Variants in TMEM116 observed in about 807,000 individuals in gnomAD.
TMEM116 encodes transmembrane protein 116.
A neutral mutation model predicts 44.3 loss-of-function variants in TMEM116; 38 were observed. That is an observed-to-expected ratio of 0.86 (90% CI 0.66 to 1.12). TMEM116 has a LOEUF of 1.12. Among genes scored for constraint, TMEM116 ranks in the 50% most tolerant of loss-of-function variants. The probability of loss-of-function intolerance (pLI) is 0.00; values close to 1 mark genes in which losing one functional copy is unlikely to be tolerated. For missense variants in TMEM116, 354 were observed against 401.7 expected (o/e 0.88, Z 1.01); for synonymous variants, 132 against 144.8 (o/e 0.91, Z 0.64).
At chr12:111,965,114 G>A (rs888918480) in intron 4 of TMEM116, among the ~76,000 whole-genome samples, 7 of 152,138 alleles carry the variant, frequency 4.6e-5, no homozygotes, top group Non-Finnish European at 7.3e-5. Flanking sequence ...TTTCTTTACT[G>A]TGACTCTCCA....
chr12:111,970,109 T>C (rs2075242311), intron 4 of TMEM116, among the ~76,000 whole-genome samples: 1 of 151,144 alleles, frequency 6.6e-6, no homozygotes, highest in Non-Finnish European at 1.5e-5. Context: ...TCTATAAAAA[T>C]AGAAAAATTA....
At chr12:111,983,225 C>G (rs184594097) in intron 4 of TMEM116, among the ~76,000 whole-genome samples, 1 of 152,220 alleles carries the variant, frequency 6.6e-6, no homozygotes, top group East Asian at 1.9e-4. Context: ...CACCTGGGGT[C>G]AGGAGTCTGA....
intron 4 of TMEM116, among the ~76,000 whole-genome samples, chr12:111,981,594 G>A (rs942078780): frequency 3.3e-5 from 5 of 152,128 alleles, no homozygotes; most frequent in African/African-American, 1.2e-4. Flanking sequence ...GACAGCATAT[G>A]TCAAAAGTAC....
chr12:111,939,880 CTGTGTGTG>C (rs61322648), intron 5 of TMEM116, among the ~76,000 whole-genome samples: 15,694 of 130,274 alleles, frequency 0.12, 895 homozygotes, highest in African/African-American at 0.14. Flanking sequence ...CTTCAAAGCT[CTGTGTGTG>C]TGTGTGTGTG....
intron 3 of TMEM116, chr12:111,993,044 C>A: frequency 5.7e-6 from 1 of 176,124 alleles, no homozygotes; most frequent in Non-Finnish European, 1.2e-5. Context: ...ATGTGCCACA[C>A]CTGCAGCTGG....
At chr12:111,948,806 T>C (rs2136303443) in intron 4 of TMEM116, among the ~76,000 whole-genome samples, 1 of 152,306 alleles carries the variant, frequency 6.6e-6, no homozygotes, top group South Asian at 2.1e-4. Context: ...TGGCTGGGCA[T>C]GGTAGCTCAC....
intron 4 of TMEM116, among the ~76,000 whole-genome samples, chr12:111,949,099 G>A (rs1233461158): frequency 6.6e-6 from 1 of 151,870 alleles, no homozygotes; most frequent in Non-Finnish European, 1.5e-5. Context: ...GGGCAATAGG[G>A]CAAGGCCCTC....
rs1039862545 is a variant in TMEM116, at chr12:111,991,880, G to C, written c.88C>G (p.Leu30Val). 3.9e-6 allele frequency: 6 copies of C among 1,535,148 alleles called. No homozygotes were observed. Among genetic ancestry groups the C allele is most frequent in the Non-Finnish European group, 5.2e-6 (6 of 1,146,132 alleles). The change falls in exon 4 of 11, where the codon CTT becomes GTT. Residue 30 changes from leucine (L) to valine (V), a missense_variant. By Grantham distance (32) the Leu-to-Val change is conservative. Transcript: ENST00000552374. ...AGGTCACAGAAGCTCAGATAAAAAAGTGGTCTTATCTGTCAAAGTAATAAA... is the reference window on the plus strand; with the variant it reads ...AGGTCACAGAAGCTCAGATAAAAAACTGGTCTTATCTGTCAAAGTAATAAA... ...NIQKSPEIRP[L>V]FYLSFCDLLL...
chr12:111,985,834 C>T (rs2076197630), intron 4 of TMEM116, among the ~76,000 whole-genome samples: 2 of 152,016 alleles, frequency 1.3e-5, no homozygotes, highest in Non-Finnish European at 2.9e-5. Context: ...TGGGCTCATG[C>T]GATCTGCCTG....
chr12:111,936,459 G>A (rs758180203), intron 8 of TMEM116: 1 of 455,224 alleles, frequency 2.2e-6, no homozygotes, highest in South Asian at 3.8e-5. Flanking sequence ...GTTGTAGAGT[G>A]AGCATAATTT....
At chr12:111,940,529 A>ATATATATATATACACACACATATATGTG in intron 5 of TMEM116, among the ~76,000 whole-genome samples, 1 of 119,158 alleles carries the variant, frequency 8.4e-6, no homozygotes, top group African/African-American at 4.2e-5. Flanking sequence ...ATGTGTATAT[A>ATATATATATATACACACACATATATGTG]TATATATATA....
In TMEM116 at chr12:111,951,672, G is replaced by A. The variant is rs180925397; in HGVS notation, c.211-8303C>T. Among the ~76,000 whole-genome samples the A allele has an allele frequency of 2.2e-3, 334 of 152,172 alleles. 1 individual carries two copies. Among genetic ancestry groups the A allele is most frequent in the Middle Eastern group, 6.8e-3 (2 of 294 alleles). On this transcript the variant is annotated intron_variant, in intron 4 of 10. Coordinates refer to ENST00000552374, the MANE Select transcript of TMEM116 (RefSeq NM_001193531.2). ...CACTGGGGCTTATCAGAGAATGGAG[G>A]GTGGAAGGAGGGAGAGGATCAGGAA...
At chr12:112,009,883 A>G (rs2077761835) in intron 1 of TMEM116, among the ~76,000 whole-genome samples, 1 of 152,026 alleles carries the variant, frequency 6.6e-6, no homozygotes, top group African/African-American at 2.4e-5. Flanking sequence ...TTCTAAACTA[A>G]CCATGACTAG....
At position 111,989,953 on chromosome 12, in the gene TMEM116, T is replaced by G. The variant is rs373664350; in HGVS notation, c.210+1805A>C. Reference sequence around the variant, plus strand: ...TTACTATAGATACAGCTCAATAAAGTTGTAAAAAAATAAAGTAACAGGCCG... The same window carrying G: ...TTACTATAGATACAGCTCAATAAAGGTGTAAAAAAATAAAGTAACAGGCCG... On this transcript the variant is annotated intron_variant, in intron 4 of 10. Coordinates refer to ENST00000552374, the MANE Select transcript of TMEM116 (RefSeq NM_001193531.2). Among the ~76,000 whole-genome samples, 20 of 152,026 alleles carry G rather than the reference T, an allele frequency of 1.3e-4. No individual in the cohort carries two copies. In the East Asian group the frequency reaches 3.5e-3, roughly 26 times the overall value.
intron 4 of TMEM116, among the ~76,000 whole-genome samples, chr12:111,987,316 C>G (rs2076280732): frequency 6.6e-6 from 1 of 151,838 alleles, no homozygotes; most frequent in Non-Finnish European, 1.5e-5. Flanking sequence ...ACCAGCCTGG[C>G]CAACATGGTG....
At chr12:112,010,216 A>C (rs1376152665) in intron 1 of TMEM116, among the ~76,000 whole-genome samples, 1 of 152,092 alleles carries the variant, frequency 6.6e-6, no homozygotes, top group Admixed American at 6.5e-5. Flanking sequence ...GCTTAACTCT[A>C]TTTCCACCAG....
intron 3 of TMEM116, chr12:111,994,018 A>G: frequency 1.7e-6 from 1 of 573,816 alleles, no homozygotes. Flanking sequence ...CCCTCCCCCA[A>G]GATGCCAGAA....
intron 4 of TMEM116, among the ~76,000 whole-genome samples, chr12:111,950,948 A>G (rs951982404): frequency 6.6e-6 from 1 of 152,362 alleles, no homozygotes; most frequent in South Asian, 2.1e-4. Flanking sequence ...CAAAGGTCTA[A>G]TATCTAGCAT....
At chr12:111,952,342 T>C (rs1337318091) in intron 4 of TMEM116, among the ~76,000 whole-genome samples, 1 of 152,198 alleles carries the variant, frequency 6.6e-6, no homozygotes, top group African/African-American at 2.4e-5. Flanking sequence ...ATCTACTAGC[T>C]GAACAACAAC....
Sources: gnomAD v4.1 joint callset for allele counts (sites outside exome capture counted in the v4.1 genomes callset) on GRCh38, gnomAD v4.1.1 for gene constraint, MANE v1.5 for transcripts, NCBI Gene and HGNC (gene_info 2026-07-23, HGNC 2026-07-21) for gene names.